ADK: variants seen among roughly 807,000 people sequenced by gnomAD.
ADK encodes the protein N6,N6-dimethyladenosine kinase.
A neutral mutation model predicts 44.7 loss-of-function variants in ADK; 24 were observed. That is an observed-to-expected ratio of 0.54 (90% confidence interval 0.39 to 0.76). The LOEUF is 0.76. ADK is among the 30% of genes least tolerant of loss of function. The probability of loss-of-function intolerance (pLI) is 0.00; values close to 1 mark genes in which losing one functional copy is unlikely to be tolerated. For missense variants in ADK, 321 were observed against 425.1 expected, an observed-to-expected ratio of 0.76 and a Z score of 2.15; for synonymous variants, 128 against 142.6, an observed-to-expected ratio of 0.90 and a Z score of 0.73.
chr10:74,656,372 G>C (rs1182156024), intron 9 of ADK, among the ~76,000 whole-genome samples: 6 of 152,160 alleles, frequency 3.9e-5, no homozygotes, highest in Admixed American at 3.3e-4. Context: ...CATGCTATTT[G>C]TTTTTGTATT....
chr10:74,595,438 G>A (rs1368173728), intron 8 of ADK, among the ~76,000 whole-genome samples: 2 of 112,666 alleles, frequency 1.8e-5, no homozygotes, highest in African/African-American at 6.6e-5. Context: ...GTGCAGTGGC[G>A]TGATCTTTGC....
intron 3 of ADK, among the ~76,000 whole-genome samples, chr10:74,249,382 C>T (rs778504128): frequency 1.6e-4 from 25 of 152,036 alleles, no homozygotes; most frequent in Admixed American, 9.2e-4. Flanking sequence ...GTGGGGCATT[C>T]GTGTGTCACT....
chr10:74,623,679 A>T (rs1301591194), intron 9 of ADK, among the ~76,000 whole-genome samples: 1 of 151,234 alleles, frequency 6.6e-6, no homozygotes, highest in African/African-American at 2.4e-5. Flanking sequence ...GATTTTATTT[A>T]TATATATACA....
chr10:74,180,219 T>C (rs1202942299), intron 1 of ADK, among the ~76,000 whole-genome samples: 1 of 105,740 alleles, frequency 9.5e-6, no homozygotes, highest in Non-Finnish European at 2.4e-5. Flanking sequence ...TTATTATTAT[T>C]ATTATTATTA....
chr10:74,512,423 G>A lies in ADK; in HGVS notation c.556-12833G>A, dbSNP rs112100838. On this transcript the variant is annotated intron_variant, in intron 6 of 10. Coordinates refer to ENST00000539909, the MANE Select transcript of ADK (RefSeq NM_006721.4). The stretch of plus-strand genomic sequence containing the variant: ...TGGACTTTTTTTTTTTTTTTTTGGT[G>A]TTGGAAGACTTTTTGTTATTAAATC... 5.1e-3 allele frequency among the ~76,000 whole-genome samples: 679 copies of A among 132,488 alleles called. 7 individuals carry two copies. Among genetic ancestry groups the A allele is most frequent in the African/African-American group, 0.018 (638 of 35,958 alleles). The allele number at this position is 132,488 out of a possible 152,430, so 86.9% of individuals were successfully genotyped here. A position where few individuals can be genotyped will look rare whatever the true frequency, so the allele number is the denominator to read the frequency against.
intron 6 of ADK, among the ~76,000 whole-genome samples, chr10:74,411,160 T>G (rs1844162266): frequency 6.6e-6 from 1 of 152,204 alleles, no homozygotes; most frequent in African/African-American, 2.4e-5. Flanking sequence ...GTTTAAGCCT[T>G]TATTTTACAA....
intron 10 of ADK, among the ~76,000 whole-genome samples, chr10:74,699,755 A>G (rs943865856): frequency 6.6e-6 from 1 of 152,218 alleles, no homozygotes; most frequent in Admixed American, 6.5e-5. Flanking sequence ...ATTAATTCAC[A>G]GAGAGATTTG....
chr10:74,408,157 T>A (rs1289147419), intron 6 of ADK, among the ~76,000 whole-genome samples: 1 of 149,810 alleles, frequency 6.7e-6, no homozygotes, highest in Non-Finnish European at 1.5e-5. Context: ...GTTTTGTATT[T>A]TTTTTTTTTT....
At chr10:74,216,736 T>A (rs113665483) in intron 2 of ADK, among the ~76,000 whole-genome samples, 1,306 of 100,574 alleles carry the variant, frequency 0.013, 10 homozygotes, top group African/African-American at 0.028. Context: ...AAAAAAAAAA[T>A]AAAAAAAAAA....
At chr10:74,556,113 A>G (rs775541040) in intron 7 of ADK, among the ~76,000 whole-genome samples, 6 of 152,232 alleles carry the variant, frequency 3.9e-5, no homozygotes, top group Non-Finnish European at 8.8e-5. Flanking sequence ...TTTTTATTCT[A>G]ATAAGTCATA....
At chr10:74,588,038 G>T (rs1286149182) in intron 7 of ADK, among the ~76,000 whole-genome samples, 1 of 151,876 alleles carries the variant, frequency 6.6e-6, no homozygotes, top group Admixed American at 6.6e-5. Flanking sequence ...TATTAAAGAG[G>T]ATTTTTGGAC....
At chr10:74,460,222 C>A (rs1055157347) in intron 6 of ADK, among the ~76,000 whole-genome samples, 5 of 152,186 alleles carry the variant, frequency 3.3e-5, no homozygotes, top group South Asian at 2.1e-4. Flanking sequence ...TTTTTGAAAT[C>A]AAAAATAAAC....
intron 4 of ADK, among the ~76,000 whole-genome samples, chr10:74,322,954 T>C (rs1420684449): frequency 6.6e-6 from 1 of 151,990 alleles, no homozygotes; most frequent in Non-Finnish European, 1.5e-5. Flanking sequence ...GGTTGTGCTC[T>C]CCAGGATAAA....
chr10:74,218,386 C>T (rs1339092533), intron 2 of ADK, among the ~76,000 whole-genome samples: 12 of 152,140 alleles, frequency 7.9e-5, no homozygotes, highest in East Asian at 3.9e-4. Flanking sequence ...ACCAAATCTA[C>T]GTCTGATTGG....
chr10:74,371,676 A>G (rs1330811158), intron 4 of ADK: 21 of 1,077,176 alleles, frequency 1.9e-5, no homozygotes, highest in East Asian at 1.9e-4. Flanking sequence ...TGGCATCCAC[A>G]TCGTAAATCT....
chr10:74,482,956 C>G (rs1847127651), intron 6 of ADK, among the ~76,000 whole-genome samples: 1 of 152,178 alleles, frequency 6.6e-6, no homozygotes, highest in Non-Finnish European at 1.5e-5. Flanking sequence ...GTGCATGATG[C>G]AAGCTGTCGG....
chr10:74,314,820 C>T, intron 4 of ADK, 75 bp downstream of exon 4: 1 of 1,114,806 alleles, frequency 9.0e-7, no homozygotes, highest in Non-Finnish European at 1.4e-6. Context: ...TAATTGTTTC[C>T]TTTTATATTG....
intron 6 of ADK, among the ~76,000 whole-genome samples, chr10:74,451,202 T>C (rs1461415891): frequency 6.6e-6 from 1 of 151,886 alleles, no homozygotes; most frequent in Non-Finnish European, 1.5e-5. Context: ...AGTCAAGTGA[T>C]GACATGCAGA....
intron 6 of ADK, among the ~76,000 whole-genome samples, chr10:74,417,493 A>T (rs1844413712): frequency 6.6e-6 from 1 of 152,170 alleles, no homozygotes; most frequent in Admixed American, 6.5e-5. Flanking sequence ...ATGTAGACAC[A>T]TTGGTAAAAA....
Sources: allele counts gnomAD v4.1 joint callset (sites outside exome capture counted in the v4.1 genomes callset), GRCh38; gene constraint gnomAD v4.1.1; transcripts MANE v1.5; gene names NCBI Gene and HGNC (gene_info 2026-07-23, HGNC 2026-07-21).